Variants in ADAM22 observed in about 807,000 individuals in gnomAD.
The protein encoded by ADAM22 is ADAM metallopeptidase domain 22.
ADAM22 carries 65 observed loss-of-function variants against 144.6 expected under a neutral mutation model. That is an observed-to-expected ratio of 0.45 (90% confidence interval 0.37 to 0.55). The LOEUF (loss-of-function observed/expected upper bound fraction) is 0.55. Ranked by LOEUF, ADAM22 falls within the 20% of genes least tolerant of loss-of-function variation. ADAM22 has a pLI of 0.00. For synonymous variants in ADAM22, 391 were observed against 412.6 expected (o/e 0.95, Z 0.63); for missense variants, 974 against 1,184.9 (o/e 0.82, Z 2.61).
intron 30 of ADAM22, among the ~76,000 whole-genome samples, chr7:88,187,989 C>T (rs146405481): frequency 6.6e-6 from 1 of 151,992 alleles, no homozygotes; most frequent in Non-Finnish European, 1.5e-5. Context: ...TACACATACA[C>T]TCACATTCAA....
At chr7:87,996,938 G>GA (rs1382030137) in intron 3 of ADAM22, among the ~76,000 whole-genome samples, 2 of 152,186 alleles carry the variant, frequency 1.3e-5, no homozygotes, top group Non-Finnish European at 2.9e-5. Flanking sequence ...TAATGCATAT[G>GA]AAACACCCAA....
chr7:88,059,280 C>G (rs1164883434), intron 3 of ADAM22, among the ~76,000 whole-genome samples: 1 of 152,104 alleles, frequency 6.6e-6, no homozygotes, highest in Non-Finnish European at 1.5e-5. Flanking sequence ...CCAGGAATGT[C>G]GTAATGCTTC....
chr7:88,006,235 G>A (rs534300976), intron 3 of ADAM22, among the ~76,000 whole-genome samples: 1 of 152,238 alleles, frequency 6.6e-6, no homozygotes, highest in East Asian at 1.9e-4. Flanking sequence ...CCAATAACAG[G>A]ATCTGAAATT....
At chr7:88,041,603 A>G (rs1352344530) in intron 3 of ADAM22, among the ~76,000 whole-genome samples, 3 of 151,954 alleles carry the variant, frequency 2.0e-5, no homozygotes, top group Admixed American at 6.6e-5. Context: ...TTAATTTTGC[A>G]AATATCATGT....
intron 4 of ADAM22, among the ~76,000 whole-genome samples, chr7:88,107,932 A>G (rs960231250): frequency 6.6e-6 from 1 of 152,144 alleles, no homozygotes; most frequent in Non-Finnish European, 1.5e-5. Flanking sequence ...TTCCTCTAAT[A>G]TCACCTACAT....
intron 3 of ADAM22, among the ~76,000 whole-genome samples, chr7:87,988,617 T>A (rs542447157): frequency 7.2e-5 from 11 of 152,366 alleles, no homozygotes; most frequent in African/African-American, 2.6e-4. Flanking sequence ...ACTTACTGAC[T>A]TACTGATAAT....
At chr7:88,118,210 C>T (rs1828297958) in intron 7 of ADAM22, among the ~76,000 whole-genome samples, 1 of 152,124 alleles carries the variant, frequency 6.6e-6, no homozygotes, top group African/African-American at 2.4e-5. Context: ...TAGATAATCA[C>T]TTAGAAGTTT....
chr7:88,087,531 C>T (rs1818748951), intron 4 of ADAM22, among the ~76,000 whole-genome samples: 1 of 152,068 alleles, frequency 6.6e-6, no homozygotes, highest in South Asian at 2.1e-4. Flanking sequence ...TTATATAGGT[C>T]AGGAATGTGT....
At chr7:88,046,515 G>A (rs1804734530) in intron 3 of ADAM22, among the ~76,000 whole-genome samples, 1 of 152,086 alleles carries the variant, frequency 6.6e-6, no homozygotes, top group Non-Finnish European at 1.5e-5. Context: ...CCCCCATTTT[G>A]TAGGTTTTCT....
chr7:88,057,081 AG>A (rs1394792342), intron 3 of ADAM22, among the ~76,000 whole-genome samples: 1 of 152,106 alleles, frequency 6.6e-6, no homozygotes, highest in African/African-American at 2.4e-5. Flanking sequence ...GATTGAGGGT[AG>A]GGCAGGTAGG....
At chr7:88,194,247 T>C (rs965277216) in intron 31 of ADAM22, among the ~76,000 whole-genome samples, 8 of 152,172 alleles carry the variant, frequency 5.3e-5, no homozygotes, top group Non-Finnish European at 1.0e-4. Flanking sequence ...GGACATTCCC[T>C]CAGCTGTTGT....
chr7:87,957,459 G>T (rs763066254), intron 2 of ADAM22, among the ~76,000 whole-genome samples: 1 of 152,030 alleles, frequency 6.6e-6, no homozygotes, highest in African/African-American at 2.4e-5. Flanking sequence ...TGTTTCTTTT[G>T]CAAGAAACTA....
At chr7:88,068,580 A>G (rs1210094918) in intron 3 of ADAM22, among the ~76,000 whole-genome samples, 1 of 152,226 alleles carries the variant, frequency 6.6e-6, no homozygotes, top group Non-Finnish European at 1.5e-5. Context: ...ATGTTAGAAC[A>G]AGAAGGCATA....
At chr7:87,972,852 C>T (rs1335819152) in intron 2 of ADAM22, among the ~76,000 whole-genome samples, 1 of 152,144 alleles carries the variant, frequency 6.6e-6, no homozygotes, top group African/African-American at 2.4e-5. Context: ...AAAGGATTCC[C>T]TATTTAATAA....
At chr7:87,962,434 A>G (rs1172949915) in intron 2 of ADAM22, among the ~76,000 whole-genome samples, 3 of 152,228 alleles carry the variant, frequency 2.0e-5, no homozygotes, top group African/African-American at 4.8e-5. Flanking sequence ...AAGATGGTAT[A>G]GCTATAAGCC....
chr7:88,182,481 C>A (rs1847316886), intron 29 of ADAM22, among the ~76,000 whole-genome samples: 1 of 152,162 alleles, frequency 6.6e-6, no homozygotes, highest in South Asian at 2.1e-4. Flanking sequence ...TTCATGGCTG[C>A]AATCTAAGCA....
chr7:87,941,763 A>G (rs1284735118), intron 2 of ADAM22, among the ~76,000 whole-genome samples: 1 of 152,136 alleles, frequency 6.6e-6, no homozygotes, highest in Non-Finnish European at 1.5e-5. Context: ...TTAAAATTCT[A>G]CCTAATGAGG....
chr7:88,054,284 T>C (rs942528994), intron 3 of ADAM22, among the ~76,000 whole-genome samples: 1 of 152,212 alleles, frequency 6.6e-6, no homozygotes, highest in Non-Finnish European at 1.5e-5. Context: ...ACCAGAAACA[T>C]ATGAAAGTTC....
intron 2 of ADAM22, among the ~76,000 whole-genome samples, chr7:87,961,251 C>T (rs893457729): frequency 2.0e-5 from 3 of 152,018 alleles, no homozygotes; most frequent in African/African-American, 7.2e-5. Context: ...ATAATGACCC[C>T]AAGGCCAGAG....
Sources: allele counts gnomAD v4.1 joint callset (sites outside exome capture counted in the v4.1 genomes callset), GRCh38; gene constraint gnomAD v4.1.1; transcripts MANE v1.5; gene names NCBI Gene and HGNC (gene_info 2026-07-23, HGNC 2026-07-21).